The following GABPB2 variants were observed in gnomAD, a reference collection of about 807,000 sequenced individuals.
GABPB2 encodes GA-binding protein subunit beta-2.
In GABPB2, 23 loss-of-function variants were observed where a neutral mutation model predicts 39.1. That is an observed-to-expected ratio of 0.59 (90% CI 0.42 to 0.83). GABPB2 has a LOEUF of 0.83. Ranked by LOEUF, GABPB2 falls within the 40% of genes least tolerant of loss-of-function variation. GABPB2 has a pLI of 0.00. For synonymous variants in GABPB2, 184 were observed against 199.3 expected (o/e 0.92, Z 0.65); for missense variants, 467 against 541.1 (o/e 0.86, Z 1.36).
At chr1:151,101,403 C>T (rs756837936) in intron 5 of GABPB2, among the ~76,000 whole-genome samples, 7 of 151,638 alleles carry the variant, frequency 4.6e-5, no homozygotes, top group Non-Finnish European at 1.0e-4. Context: ...GGTGAAACCC[C>T]GTCTTACTAA....
rs374570194 is a variant in GABPB2, at chr1:151,097,962, C to T, written c.582C>T (p.Leu194=). The change falls in exon 5 of 9, where the codon CTC becomes CTT. Residue 194 remains leucine (L), a synonymous_variant. Coordinates refer to ENST00000368918, the MANE Select transcript of GABPB2 (RefSeq NM_144618.3). The part of the protein sequence containing the change: ...FIFTSGEVVN[L]ASLISSTNTK... ...TCACGTCGGGTGAGGTTGTTAACCT[C>T]GCAAGCCTTATTTCTTCAACCAACA... The T allele has an allele frequency of 1.7e-5, 27 of 1,613,818 alleles. No individual in the cohort carries two copies. The highest frequency in any genetic ancestry group is 2.2e-5 in the East Asian group (1 of 44,882).
At chr1:151,088,063 C>G (rs587614648) in intron 1 of GABPB2, 127 bp from the exon 2 acceptor site, 1 of 639,176 alleles carries the variant, frequency 1.6e-6, no homozygotes, top group Non-Finnish European at 2.8e-6. Flanking sequence ...AAGTGACCTA[C>G]CAGACAGTCA....
At chr1:151,087,016 G>A (rs972869035) in intron 1 of GABPB2, among the ~76,000 whole-genome samples, 7 of 151,920 alleles carry the variant, frequency 4.6e-5, no homozygotes, top group Admixed American at 4.6e-4. Context: ...CACCACGCCC[G>A]GCTAATTTTT....
At chr1:151,081,606 T>G (rs1677702760) in intron 1 of GABPB2, among the ~76,000 whole-genome samples, 1 of 152,112 alleles carries the variant, frequency 6.6e-6, no homozygotes, top group Non-Finnish European at 1.5e-5. Flanking sequence ...AACTTCTGGC[T>G]TAATAGAAGA....
Position 151,090,537 on chromosome 1 carries a change from C to T in GABPB2, c.240C>T (p.Ala80=), listed in dbSNP as rs771902830. 64 of 1,613,984 alleles carry T rather than the reference C, an allele frequency of 4.0e-5. No individual in the cohort carries two copies. The highest frequency in any genetic ancestry group is 1.8e-4 in the East Asian group (8 of 44,880). Residue 80 remains alanine (A), a synonymous_variant, in exon 3 of 9, where the codon GCC becomes GCT. Coordinates refer to ENST00000368918, the MANE Select transcript of GABPB2 (RefSeq NM_144618.3). ...VDRTPLHMAA[A]DGHAHIVELL... ...GGACCCCCTTGCACATGGCTGCAGCCGATGGACATGCGCACATCGTGGAAC... is the reference window on the plus strand; with the variant it reads ...GGACCCCCTTGCACATGGCTGCAGCTGATGGACATGCGCACATCGTGGAAC...
chr1:151,084,659 C>A (rs1015008737), intron 1 of GABPB2, among the ~76,000 whole-genome samples: 1 of 147,252 alleles, frequency 6.8e-6, no homozygotes, highest in Non-Finnish European at 1.5e-5. Flanking sequence ...CTCAGCCTCC[C>A]GAGTAGCTGG....
intron 1 of GABPB2, among the ~76,000 whole-genome samples, chr1:151,076,863 G>A (rs1219443265): frequency 1.4e-5 from 2 of 147,794 alleles, no homozygotes; most frequent in South Asian, 2.1e-4. Context: ...GCGCAATCTC[G>A]GCTCACTGCA....
rs1196887375 is a variant in GABPB2, at chr1:151,117,523, T to G, written c.1047+7T>G. On this transcript the variant is annotated splice_region_variant and intron_variant, in intron 8 of 8. Coordinates refer to ENST00000368918, the MANE Select transcript of GABPB2 (RefSeq NM_144618.3). Reference sequence around the variant, plus strand: ...CAGTGTGGAGGAAAGCAAGGTAATGTTTTTAGGAGTGATGAAAAGAATTTA... The same window carrying G: ...CAGTGTGGAGGAAAGCAAGGTAATGGTTTTAGGAGTGATGAAAAGAATTTA... The G allele has an allele frequency of 6.2e-7, 1 of 1,611,962 alleles. No homozygotes were observed. Among genetic ancestry groups the G allele is most frequent in the Admixed American group, 1.7e-5 (1 of 59,600 alleles).
At chr1:151,089,708 T>C (rs1010832929) in intron 2 of GABPB2, among the ~76,000 whole-genome samples, 3 of 152,208 alleles carry the variant, frequency 2.0e-5, no homozygotes, top group African/African-American at 7.2e-5. Flanking sequence ...CAGGCTGGTC[T>C]TGATCTCTTG....
chr1:151,081,305 A>G (rs915308270), intron 1 of GABPB2, among the ~76,000 whole-genome samples: 1 of 150,130 alleles, frequency 6.7e-6, no homozygotes. Context: ...CCTGGACAAC[A>G]TGGTGAAACC....
At chr1:151,114,675 G>A (rs1680720644) in intron 7 of GABPB2, among the ~76,000 whole-genome samples, 1 of 150,354 alleles carries the variant, frequency 6.7e-6, no homozygotes, top group South Asian at 2.1e-4. Context: ...TCCACCTGGA[G>A]ACAGAGCGAG....
chr1:151,111,702 G>A (rs1351705378), intron 7 of GABPB2, among the ~76,000 whole-genome samples: 27 of 150,726 alleles, frequency 1.8e-4, no homozygotes, highest in Non-Finnish European at 3.7e-4. Flanking sequence ...GTGAGCCACC[G>A]CGCCCGGCCT....
chr1:151,087,145 G>A (rs1366743035), intron 1 of GABPB2, among the ~76,000 whole-genome samples: 1 of 151,644 alleles, frequency 6.6e-6, no homozygotes, highest in East Asian at 2.0e-4. Context: ...GTGAGCCACC[G>A]CGCCCAGCCA....
intron 7 of GABPB2, among the ~76,000 whole-genome samples, chr1:151,109,319 CACACAAATATATATATAT>C (rs1558156080): frequency 3.8e-5 from 2 of 52,174 alleles, no homozygotes; most frequent in African/African-American, 1.7e-4. Context: ...TATATATATA[CACACAAATATATATATAT>C]ACACAAATAT....
At chr1:151,116,650 C>G (rs1161461162) in intron 7 of GABPB2, among the ~76,000 whole-genome samples, 1 of 152,072 alleles carries the variant, frequency 6.6e-6, no homozygotes, top group Non-Finnish European at 1.5e-5. Context: ...TTCTGTCACC[C>G]AGGCTGGAGT....
intron 1 of GABPB2, among the ~76,000 whole-genome samples, chr1:151,079,278 C>T (rs940428620): frequency 4.6e-5 from 7 of 151,674 alleles, no homozygotes; most frequent in Non-Finnish European, 8.8e-5. Flanking sequence ...CAGTGGCTCA[C>T]GCCTGTAATC....
In GABPB2 at chr1:151,107,031, C is replaced by T. The variant is rs879122133; in HGVS notation, c.737-6C>T. ...GAAATTTTAAATTTGCTTTTGTCAT[C>T]TCTAGCCAATACAGAGGAAATTATA... is the stretch of plus-strand genomic sequence containing the variant. On this transcript the variant is annotated splice_region_variant and splice_polypyrimidine_tract_variant and intron_variant, in intron 6 of 8. Transcript: ENST00000368918. 1.9e-6 allele frequency: 3 copies of T among 1,580,702 alleles called. No individual in the cohort carries two copies. The Admixed American group carries it at 5.7e-5, about 30-fold the overall frequency.
At chr1:151,086,750 C>T (rs1304050316) in intron 1 of GABPB2, among the ~76,000 whole-genome samples, 1 of 151,900 alleles carries the variant, frequency 6.6e-6, no homozygotes, top group African/African-American at 2.4e-5. Context: ...TCACTGCAAC[C>T]TCCACCTCCT....
chr1:151,124,392 C>T lies in GABPB2; in HGVS notation c.*6136C>T, dbSNP rs1681301231. 6.6e-6 allele frequency: 1 copy of T among 151,304 alleles called. No individual in the cohort carries two copies. Among genetic ancestry groups the T allele is most frequent in the South Asian group, 2.1e-4 (1 of 4,810 alleles). 9.4% of individuals were successfully genotyped at this position (151,304 alleles called of 1,614,324 possible). ...TCGAACTCCTGACCTCGTGATCCAC[C>T]CTCCTTGGCCTCCCAAAGTGCTGGG... On this transcript the variant is annotated 3_prime_UTR_variant, in exon 9 of 9. Coordinates refer to ENST00000368918, the MANE Select transcript of GABPB2 (RefSeq NM_144618.3).
Sources: allele counts gnomAD v4.1 joint callset (sites outside exome capture counted in the v4.1 genomes callset), GRCh38; gene constraint gnomAD v4.1.1; transcripts MANE v1.5; gene names NCBI Gene and HGNC (gene_info 2026-07-23, HGNC 2026-07-21).